The following UBE2E2 variants were observed in gnomAD, a reference collection of about 807,000 sequenced individuals.
UBE2E2 encodes ubiquitin-conjugating enzyme E2 E2.
In UBE2E2, 6 loss-of-function variants were observed where a neutral mutation model predicts 24.7. The observed-to-expected ratio is 0.24, with a 90% confidence interval of 0.13 to 0.48. UBE2E2 has a LOEUF of 0.48. UBE2E2 is among the 20% of genes least tolerant of loss of function. The pLI, the probability that UBE2E2 is intolerant of heterozygous loss-of-function variation, is 0.99. For synonymous variants in UBE2E2, 104 were observed against 83.6 expected (o/e 1.24, Z -1.33); for missense variants, 169 against 245.0 (o/e 0.69, Z 2.07).
chr3:23,216,525 A>G (rs927559170), intron 2 of UBE2E2, among the ~76,000 whole-genome samples: 9 of 152,290 alleles, frequency 5.9e-5, no homozygotes, highest in African/African-American at 1.9e-4. Context: ...AACAAAGCCT[A>G]CATTTAATAA....
intron 3 of UBE2E2, among the ~76,000 whole-genome samples, chr3:23,412,430 T>G (rs1417586997): frequency 7.1e-6 from 1 of 140,962 alleles, no homozygotes; most frequent in Admixed American, 6.9e-5. Context: ...CAGCGCTCTT[T>G]GCAGTTGATG....
intron 3 of UBE2E2, among the ~76,000 whole-genome samples, chr3:23,484,848 C>T (rs761725712): frequency 2.6e-5 from 4 of 152,070 alleles, no homozygotes; most frequent in Admixed American, 2.0e-4. Context: ...GTCAGGAGAA[C>T]AGAATGGGAA....
chr3:23,274,883 C>G (rs1345197202), intron 3 of UBE2E2, among the ~76,000 whole-genome samples: 1 of 152,020 alleles, frequency 6.6e-6, no homozygotes, highest in African/African-American at 2.4e-5. Context: ...TAAATATTGC[C>G]TAATTGCCCT....
At chr3:23,299,929 G>C (rs1204383631) in intron 3 of UBE2E2, among the ~76,000 whole-genome samples, 5 of 152,120 alleles carry the variant, frequency 3.3e-5, no homozygotes, top group Admixed American at 6.5e-5. Flanking sequence ...AAGTCTCTTT[G>C]TAGGTCACTC....
chr3:23,333,164 T>C lies in UBE2E2; in HGVS notation c.227+115852T>C, dbSNP rs187247734. Among the ~76,000 whole-genome samples the C allele has an allele frequency of 2.5e-3, 379 of 152,228 alleles. 3 individuals are homozygous for C. Among genetic ancestry groups the C allele is most frequent in the African/African-American group, 8.7e-3 (363 of 41,506 alleles). On this transcript the variant is annotated intron_variant, in intron 3 of 5. Transcript: ENST00000396703. ...CAAGGCTCTCTGAGACTAGTGGTTT[T>C]CAAACTGTGTTCCAGGGGATCATGG...
intron 5 of UBE2E2, among the ~76,000 whole-genome samples, chr3:23,572,953 G>C (rs936851911): frequency 2.0e-5 from 3 of 152,090 alleles, no homozygotes; most frequent in Admixed American, 2.0e-4. Context: ...ACATTATTTA[G>C]AGGGACATGA....
At chr3:23,441,400 A>G (rs949998416) in intron 3 of UBE2E2, among the ~76,000 whole-genome samples, 75 of 149,204 alleles carry the variant, frequency 5.0e-4, no homozygotes, top group Non-Finnish European at 3.9e-4. Context: ...TTAGCTGGGC[A>G]TGGTGGCGGG....
At chr3:23,434,162 G>A (rs754116817) in intron 3 of UBE2E2, among the ~76,000 whole-genome samples, 2 of 152,024 alleles carry the variant, frequency 1.3e-5, no homozygotes, top group South Asian at 2.1e-4. Context: ...TGGGTGTTCC[G>A]CTTATTTTTA....
chr3:23,588,696 C>T (rs1170848003), intron 5 of UBE2E2, among the ~76,000 whole-genome samples: 1 of 152,062 alleles, frequency 6.6e-6, no homozygotes, highest in African/African-American at 2.4e-5. Context: ...AGAGGGTGAA[C>T]TCTGGCTCCA....
intron 3 of UBE2E2, among the ~76,000 whole-genome samples, chr3:23,301,317 T>C: frequency 6.6e-6 from 1 of 152,262 alleles, no homozygotes; most frequent in Non-Finnish European, 1.5e-5. Flanking sequence ...CTTTGTTCTG[T>C]TGCTGGTGAG....
At chr3:23,399,578 A>G (rs993924440) in intron 3 of UBE2E2, among the ~76,000 whole-genome samples, 1 of 152,200 alleles carries the variant, frequency 6.6e-6, no homozygotes, top group South Asian at 2.1e-4. Flanking sequence ...AAATTAGTAT[A>G]TGAACTGTTT....
chr3:23,295,866 A>G (rs752521414), intron 3 of UBE2E2, among the ~76,000 whole-genome samples: 1 of 152,166 alleles, frequency 6.6e-6, no homozygotes, highest in Non-Finnish European at 1.5e-5. Context: ...CTGAAGGGAA[A>G]GGTTGATGGA....
chr3:23,467,525 C>T (rs945185240), intron 3 of UBE2E2, among the ~76,000 whole-genome samples: 7 of 152,130 alleles, frequency 4.6e-5, no homozygotes, highest in African/African-American at 1.7e-4. Context: ...GCCTAACAAT[C>T]CTTACTTCAT....
At chr3:23,362,664 G>A (rs1484094669) in intron 3 of UBE2E2, among the ~76,000 whole-genome samples, 4 of 152,162 alleles carry the variant, frequency 2.6e-5, no homozygotes, top group African/African-American at 7.2e-5. Context: ...AGCAATGCCT[G>A]CTAGAGTTTC....
At chr3:23,344,959 T>C (rs1406798315) in intron 3 of UBE2E2, among the ~76,000 whole-genome samples, 1 of 152,146 alleles carries the variant, frequency 6.6e-6, no homozygotes, top group Non-Finnish European at 1.5e-5. Flanking sequence ...ATGTAAGGCA[T>C]TATCCTCAAT....
chr3:23,260,873 A>G (rs1428621021), intron 3 of UBE2E2, among the ~76,000 whole-genome samples: 4 of 152,150 alleles, frequency 2.6e-5, no homozygotes, highest in Non-Finnish European at 4.4e-5. Flanking sequence ...TGAGAGGCTG[A>G]GGTGGGCGGA....
At chr3:23,304,342 A>G (rs1416397295) in intron 3 of UBE2E2, among the ~76,000 whole-genome samples, 1 of 152,174 alleles carries the variant, frequency 6.6e-6, no homozygotes, top group African/African-American at 2.4e-5. Flanking sequence ...AGTTTTTTTC[A>G]TCTCCAGGCT....
intron 3 of UBE2E2, among the ~76,000 whole-genome samples, chr3:23,293,936 C>G (rs1340855047): frequency 2.0e-5 from 3 of 152,108 alleles, no homozygotes; most frequent in East Asian, 3.9e-4. Flanking sequence ...CACAGCATAG[C>G]GAGCTCTTTG....
intron 3 of UBE2E2, among the ~76,000 whole-genome samples, chr3:23,453,792 A>G (rs1698618418): frequency 6.6e-6 from 1 of 152,190 alleles, no homozygotes; most frequent in Admixed American, 6.5e-5. Context: ...TCCTTTCAAA[A>G]TGTATTTGTA....
Sources: allele counts gnomAD v4.1 joint callset (sites outside exome capture counted in the v4.1 genomes callset), GRCh38; gene constraint gnomAD v4.1.1; transcripts MANE v1.5; gene names NCBI Gene and HGNC (gene_info 2026-07-23, HGNC 2026-07-21).